RSF1: variants seen among roughly 807,000 people sequenced by gnomAD.
The protein encoded by RSF1 is HBV pX-associated protein 8.
A neutral mutation model predicts 145.2 loss-of-function variants in RSF1; 13 were observed. The observed-to-expected ratio is 0.09, with a 90% CI of 0.06 to 0.14. RSF1 has a LOEUF of 0.14. RSF1 is among the 10% of genes least tolerant of loss of function. RSF1 has a pLI of 1.00. For missense variants in RSF1, 1,517 were observed against 1,718.2 expected (o/e 0.88, Z 2.07); for synonymous variants, 577 against 592.6 (o/e 0.97, Z 0.38).
chr11:77,795,564 T>G (rs1284425967), intron 1 of RSF1, among the ~76,000 whole-genome samples: 1 of 152,044 alleles, frequency 6.6e-6, no homozygotes, highest in Non-Finnish European at 1.5e-5. Flanking sequence ...GAAATAAATA[T>G]ATTTACCAGC....
chr11:77,760,978 C>G (rs1483569524), intron 2 of RSF1, among the ~76,000 whole-genome samples: 1 of 151,928 alleles, frequency 6.6e-6, no homozygotes, highest in Non-Finnish European at 1.5e-5. Context: ...GTGGTGCAAT[C>G]TCGGCTCACC....
At chr11:77,678,014 T>A (rs1407223475) in intron 12 of RSF1, 72 bp downstream of exon 12, 7 of 963,710 alleles carry the variant, frequency 7.3e-6, no homozygotes, top group Non-Finnish European at 3.4e-6. Context: ...ATATGCTCAC[T>A]GCCCTAATTT....
At chr11:77,757,476 G>C (rs538160937) in intron 2 of RSF1, among the ~76,000 whole-genome samples, 1 of 152,022 alleles carries the variant, frequency 6.6e-6, no homozygotes, top group South Asian at 2.1e-4. Flanking sequence ...TCAGGAGATC[G>C]AGACCATCCT....
At chr11:77,805,003 A>G (rs1948662887) in intron 1 of RSF1, among the ~76,000 whole-genome samples, 1 of 152,184 alleles carries the variant, frequency 6.6e-6, no homozygotes, top group African/African-American at 2.4e-5. Context: ...CACACTATAT[A>G]TTAAACATGT....
Position 77,710,387 on chromosome 11 carries a change from AT to A in RSF1, c.734-7893del, listed in dbSNP as rs543946395. ...TACATATCTCTTGAACTTATTCCTTATTTTGTTGATAGTTTAGTTTTACAAG... is the reference window on the plus strand; with the variant it reads ...TACATATCTCTTGAACTTATTCCTTATTTGTTGATAGTTTAGTTTTACAAG... On this transcript the variant is annotated intron_variant, in intron 5 of 15. Coordinates refer to ENST00000308488, the MANE Select transcript of RSF1 (RefSeq NM_016578.4). 1.8e-3 allele frequency among the ~76,000 whole-genome samples: 273 copies of A among 152,186 alleles called. 2 individuals are homozygous for A. The highest frequency in any genetic ancestry group is 6.8e-3 in the Middle Eastern group (2 of 294).
the RSF1 span, among the ~76,000 whole-genome samples, chr11:77,834,441 G>GTTTTTT: frequency 1.6e-3 from 166 of 105,406 alleles, no homozygotes; most frequent in Non-Finnish European, 1.8e-3. Flanking sequence ...AGTTGATTTT[G>GTTTTTT]TTTTTTTTTT....
At chr11:77,752,302 C>G (rs1002287119) in intron 2 of RSF1, among the ~76,000 whole-genome samples, 2 of 152,180 alleles carry the variant, frequency 1.3e-5, no homozygotes, top group African/African-American at 2.4e-5. Flanking sequence ...CATGGACACT[C>G]CATCTTCCCT....
chr11:77,838,721 A>G, the RSF1 span, among the ~76,000 whole-genome samples: 1 of 146,614 alleles, frequency 6.8e-6, no homozygotes, highest in Non-Finnish European at 1.5e-5. Flanking sequence ...GGTTCACGCC[A>G]TTCTCCTGCC....
intron 5 of RSF1, among the ~76,000 whole-genome samples, chr11:77,717,116 T>C (rs1392086253): frequency 6.8e-6 from 1 of 146,514 alleles, no homozygotes; most frequent in Admixed American, 6.9e-5. Context: ...AGGTGGGGGT[T>C]GCAGTGAGCC....
At chr11:77,786,551 T>C (rs1047058880) in intron 1 of RSF1, among the ~76,000 whole-genome samples, 2 of 152,184 alleles carry the variant, frequency 1.3e-5, no homozygotes, top group African/African-American at 4.8e-5. Flanking sequence ...AGAATGTATG[T>C]TCCATTAAAG....
At chr11:77,731,221 C>T (rs973409367) in intron 4 of RSF1, among the ~76,000 whole-genome samples, 4 of 152,120 alleles carry the variant, frequency 2.6e-5, no homozygotes, top group East Asian at 3.9e-4. Flanking sequence ...AGTTTTGTTA[C>T]GTTTTAGCAG....
At chr11:77,773,219 G>C (rs1450923867) in intron 1 of RSF1, among the ~76,000 whole-genome samples, 1 of 152,060 alleles carries the variant, frequency 6.6e-6, no homozygotes, top group Non-Finnish European at 1.5e-5. Context: ...ATGGCTTTTA[G>C]TGTATTACAT....
chr11:77,692,044 C>T (rs1185705438), intron 8 of RSF1, among the ~76,000 whole-genome samples: 1 of 151,990 alleles, frequency 6.6e-6, no homozygotes, highest in African/African-American at 2.4e-5. Context: ...GCGTGTGCCA[C>T]CATGCCTGTC....
chr11:77,738,129 T>TAAAAACA (rs1423861994), intron 4 of RSF1, among the ~76,000 whole-genome samples: 1 of 151,646 alleles, frequency 6.6e-6, no homozygotes, highest in Non-Finnish European at 1.5e-5. Context: ...ACTCCGTCTC[T>TAAAAACA]AAAAACAAAA....
chr11:77,669,181 C>T (rs1484183035), intron 15 of RSF1, among the ~76,000 whole-genome samples: 3 of 152,212 alleles, frequency 2.0e-5, no homozygotes, highest in Non-Finnish European at 4.4e-5. Flanking sequence ...CACTTTAAAA[C>T]ATATCCACAA....
chr11:77,833,440 C>T, the RSF1 span, among the ~76,000 whole-genome samples: 3 of 152,062 alleles, frequency 2.0e-5, no homozygotes, highest in Admixed American at 6.5e-5. Context: ...ATAGGGTTCA[C>T]GCATCTATGA....
Position 77,702,285 on chromosome 11 carries a change from A to G in RSF1, c.944T>C (p.Phe315Ser). Residue 315 changes from phenylalanine to serine, a missense_variant, in exon 6 of 16, where the codon TTC becomes TCC. This residue lies in a region of RSF1 where 207 missense variants were observed against 191.4 expected (regional missense o/e 1.08). Transcript: ENST00000308488. ...KKIIKEESDS[F>S]KENVKPIKVE... ...TTTAATGGGTTTGACATTTTCCTTG[A>G]AGGAATCACTTTCTTCTTTGATAAT... 2.5e-6 allele frequency: 4 copies of G among 1,609,362 alleles called. No individual in the cohort carries two copies. Among genetic ancestry groups the G allele is most frequent in the Admixed American group, 1.7e-5 (1 of 58,974 alleles).
chr11:77,784,367 T>C (rs1473337052), intron 1 of RSF1, among the ~76,000 whole-genome samples: 4 of 152,182 alleles, frequency 2.6e-5, no homozygotes, highest in Non-Finnish European at 4.4e-5. Context: ...ATCTTTCATT[T>C]CTTTCATTAT....
chr11:77,804,908 C>A (rs1227587106), intron 1 of RSF1, among the ~76,000 whole-genome samples: 1 of 152,196 alleles, frequency 6.6e-6, no homozygotes, highest in Admixed American at 6.5e-5. Context: ...TTTTCAAGAT[C>A]AATCAGGAAT....
Sources: gnomAD v4.1 joint callset for allele counts (sites outside exome capture counted in the v4.1 genomes callset) on GRCh38, gnomAD v4.1.1 for gene constraint, gnomAD v4.1.1 regional missense constraint, MANE v1.5 for transcripts, NCBI Gene and HGNC (gene_info 2026-07-23, HGNC 2026-07-21) for gene names.